NRF1: variants seen among roughly 807,000 people sequenced by gnomAD.
The protein encoded by NRF1 is nuclear respiratory factor 1, also known as alpha palindromic-binding protein.
A neutral mutation model predicts 58.5 loss-of-function variants in NRF1; 5 were observed. That is an observed-to-expected ratio of 0.09 (90% CI 0.04 to 0.18). The LOEUF (loss-of-function observed/expected upper bound fraction) is 0.18, where lower values mean the gene tolerates loss of function less well. NRF1 is among the 10% of genes least tolerant of loss of function. The pLI is 1.00. For missense variants in NRF1, 288 were observed against 657.7 expected (o/e 0.44, Z 6.15); for synonymous variants, 224 against 246.7 (o/e 0.91, Z 0.86).
chr7:129,716,839 C>T (rs568165675), intron 8 of NRF1, among the ~76,000 whole-genome samples: 4 of 149,012 alleles, frequency 2.7e-5, no homozygotes, highest in South Asian at 2.2e-4. Flanking sequence ...CATTGCACTC[C>T]GGCTTGGGCG....
intron 1 of NRF1, among the ~76,000 whole-genome samples, chr7:129,625,860 T>C (rs1800903891): frequency 6.6e-6 from 1 of 151,954 alleles, no homozygotes; most frequent in Non-Finnish European, 1.5e-5. Flanking sequence ...TTTTTGGTAT[T>C]TTTAGTAGAG....
Position 129,748,607 on chromosome 7 carries a change from A to G in NRF1, c.1349-6411A>G, listed in dbSNP as rs149365082. Among the ~76,000 whole-genome samples, 23 of 152,354 alleles carry G rather than the reference A, an allele frequency of 1.5e-4. No homozygotes were observed. In the East Asian group the frequency reaches 4.2e-3, roughly 28 times the overall value. ...GTGTAGGGTGTTAGCAGGAAAGGCTACATAAACTCCTTCAACTATTAGCTA... is the reference window on the plus strand; with the variant it reads ...GTGTAGGGTGTTAGCAGGAAAGGCTGCATAAACTCCTTCAACTATTAGCTA... On this transcript the variant is annotated intron_variant, in intron 10 of 10. Coordinates refer to ENST00000393232, the MANE Select transcript of NRF1 (RefSeq NM_005011.5).
intron 2 of NRF1, among the ~76,000 whole-genome samples, chr7:129,665,286 A>T (rs971615006): frequency 6.6e-6 from 1 of 152,220 alleles, no homozygotes; most frequent in African/African-American, 2.4e-5. Flanking sequence ...AGCAGAGCAC[A>T]GGGCTTACCT....
intron 4 of NRF1, among the ~76,000 whole-genome samples, chr7:129,679,774 A>C (rs1005476487): frequency 9.9e-5 from 15 of 151,688 alleles, no homozygotes; most frequent in Non-Finnish European, 1.9e-4. Context: ...AATAGGCAAA[A>C]GGGCCACACA....
At chr7:129,624,385 G>A (rs1800870158) in intron 1 of NRF1, among the ~76,000 whole-genome samples, 1 of 152,150 alleles carries the variant, frequency 6.6e-6, no homozygotes, top group Non-Finnish European at 1.5e-5. Flanking sequence ...CTGAGACATA[G>A]CAAGCAGTAT....
At chr7:129,689,644 G>C (rs529813036) in intron 4 of NRF1, among the ~76,000 whole-genome samples, 1 of 152,340 alleles carries the variant, frequency 6.6e-6, no homozygotes, top group South Asian at 2.1e-4. Flanking sequence ...CATGTCCAGT[G>C]TGTTACTGTT....
intron 5 of NRF1, among the ~76,000 whole-genome samples, chr7:129,701,531 G>A (rs1802824260): frequency 6.6e-6 from 1 of 151,244 alleles, no homozygotes; most frequent in Admixed American, 6.6e-5. Flanking sequence ...GGAGGTGGAG[G>A]TTGCAGTGAG....
At chr7:129,614,443 T>TGTGTGTGTGTGTG (rs71527915) in intron 1 of NRF1, among the ~76,000 whole-genome samples, 5 of 145,746 alleles carry the variant, frequency 3.4e-5, no homozygotes, top group African/African-American at 1.3e-4. Context: ...AAATATGTAT[T>TGTGTGTGTGTGTG]TGTGTGTGTG....
At chr7:129,726,310 C>A (rs992621856) in intron 9 of NRF1, among the ~76,000 whole-genome samples, 5 of 152,120 alleles carry the variant, frequency 3.3e-5, no homozygotes, top group African/African-American at 9.7e-5. Context: ...TATAATCTTA[C>A]AATTGTCAGG....
intron 1 of NRF1, among the ~76,000 whole-genome samples, chr7:129,626,851 A>G (rs1054510481): frequency 3.9e-5 from 6 of 152,250 alleles, no homozygotes; most frequent in Admixed American, 6.5e-5. Flanking sequence ...GCTTCTGTCA[A>G]GTGTGAGATG....
intron 10 of NRF1, among the ~76,000 whole-genome samples, chr7:129,746,903 G>A (rs1803989315): frequency 6.6e-6 from 1 of 152,072 alleles, no homozygotes; most frequent in South Asian, 2.1e-4. Flanking sequence ...ATATTTCCAT[G>A]ACCACCTTGG....
intron 8 of NRF1, among the ~76,000 whole-genome samples, chr7:129,711,850 C>T (rs183502233): frequency 6.6e-6 from 1 of 152,122 alleles, no homozygotes; most frequent in East Asian, 1.9e-4. Context: ...GGGATTATCC[C>T]TTTACCATTT....
chr7:129,655,092 A>C (rs1230467506), intron 1 of NRF1, among the ~76,000 whole-genome samples: 1 of 152,174 alleles, frequency 6.6e-6, no homozygotes, highest in East Asian at 1.9e-4. Flanking sequence ...TGAACATGGA[A>C]TATCTCTCTC....
intron 9 of NRF1, among the ~76,000 whole-genome samples, chr7:129,722,411 C>G (rs1441858719): frequency 1.3e-5 from 2 of 151,032 alleles, no homozygotes; most frequent in African/African-American, 4.9e-5. Context: ...AAAAAAAAAT[C>G]TTTCTAGCAG....
chr7:129,735,297 C>G (rs1215246295), intron 10 of NRF1: 1 of 916,202 alleles, frequency 1.1e-6, no homozygotes, highest in Admixed American at 6.2e-5. Context: ...TTTGGGATGC[C>G]GACGCGGGCG....
intron 10 of NRF1, among the ~76,000 whole-genome samples, chr7:129,740,763 T>C (rs1803827505): frequency 6.6e-6 from 1 of 152,128 alleles, no homozygotes; most frequent in Admixed American, 6.5e-5. Context: ...GATGTGTCAT[T>C]CTCTCTCTAC....
intron 10 of NRF1, among the ~76,000 whole-genome samples, chr7:129,731,611 C>CT (rs149586663): frequency 2.7e-5 from 4 of 149,700 alleles, no homozygotes; most frequent in Non-Finnish European, 5.9e-5. Context: ...CCTTCCTTTA[C>CT]TTGTTTGTTT....
intron 1 of NRF1, among the ~76,000 whole-genome samples, chr7:129,656,402 A>G (rs915756554): frequency 1.3e-5 from 2 of 151,746 alleles, no homozygotes; most frequent in East Asian, 1.9e-4. Flanking sequence ...TTTTAAATCT[A>G]TATATATGTA....
chr7:129,613,712 A>T (rs1366272756), intron 1 of NRF1, among the ~76,000 whole-genome samples: 5 of 151,714 alleles, frequency 3.3e-5, no homozygotes, highest in Non-Finnish European at 7.4e-5. Context: ...CAGCCTGGCC[A>T]ACATGGTGAA....
Sources: gnomAD v4.1 joint callset for allele counts (sites outside exome capture counted in the v4.1 genomes callset) on GRCh38, gnomAD v4.1.1 for gene constraint, MANE v1.5 for transcripts, NCBI Gene and HGNC (gene_info 2026-07-23, HGNC 2026-07-21) for gene names.